The following PDE8B variants were observed in gnomAD, a reference collection of about 807,000 sequenced individuals.
The protein encoded by PDE8B is high affinity cAMP-specific and IBMX-insensitive 3',5'-cyclic phosphodiesterase 8B.
Under a neutral mutation model 101.3 loss-of-function variants are expected in PDE8B, and 26 were observed. That is an observed-to-expected ratio of 0.26 (90% CI 0.19 to 0.36). The LOEUF is 0.36. PDE8B is among the 10% of genes least tolerant of loss of function. PDE8B has a pLI of 1.00. For synonymous variants in PDE8B, 424 were observed against 429.3 expected (o/e 0.99, Z 0.15); for missense variants, 810 against 1,163.1 (o/e 0.70, Z 4.42).
At chr5:77,411,994 G>A (rs556775316) in intron 15 of PDE8B, 106 bp from the exon 16 acceptor site, 8 of 1,148,170 alleles carry the variant, frequency 7.0e-6, no homozygotes, top group African/African-American at 6.1e-5. Context: ...AGAAAAATCA[G>A]GTACAAGACT....
the PDE8B span, among the ~76,000 whole-genome samples, chr5:77,159,114 A>T: frequency 1.3e-5 from 2 of 151,980 alleles, no homozygotes; most frequent in African/African-American, 4.8e-5. Flanking sequence ...CCTCTACCAT[A>T]GGGGCAAGGA....
chr5:77,345,758 G>C (rs1397663168), intron 7 of PDE8B, among the ~76,000 whole-genome samples: 1 of 152,156 alleles, frequency 6.6e-6, no homozygotes, highest in Admixed American at 6.5e-5. Context: ...CCACGAATTG[G>C]TGCTTGCCTG....
upstream of PDE8B, among the ~76,000 whole-genome samples, chr5:77,205,636 G>T (rs937982736): frequency 5.9e-5 from 9 of 152,280 alleles, no homozygotes; most frequent in Admixed American, 2.6e-4. Flanking sequence ...TTTGTGGAGA[G>T]AATTAGGAAA....
At chr5:77,281,768 G>C (rs919109772) in intron 1 of PDE8B, among the ~76,000 whole-genome samples, 4 of 152,144 alleles carry the variant, frequency 2.6e-5, no homozygotes, top group Non-Finnish European at 5.9e-5. Flanking sequence ...TCAGGACCTG[G>C]ATCTCTTTGG....
chr5:77,379,162 G>T (rs1252038203), intron 10 of PDE8B, among the ~76,000 whole-genome samples: 5 of 152,196 alleles, frequency 3.3e-5, no homozygotes, highest in Admixed American at 6.5e-5. Flanking sequence ...GGAGCTAAGA[G>T]AAGTTATGAC....
intron 1 of PDE8B, among the ~76,000 whole-genome samples, chr5:77,236,386 G>A (rs935221161): frequency 3.3e-5 from 5 of 152,242 alleles, no homozygotes; most frequent in African/African-American, 1.2e-4. Flanking sequence ...CTAAGAACTA[G>A]ATTAAGACCT....
intron 1 of PDE8B, among the ~76,000 whole-genome samples, chr5:77,299,483 T>C (rs966653962): frequency 2.1e-5 from 3 of 140,344 alleles, no homozygotes; most frequent in African/African-American, 7.9e-5. Flanking sequence ...CCATGTGTTC[T>C]TGTTGTTCAG....
chr5:77,213,583 C>G (rs896776472), intron 1 of PDE8B, among the ~76,000 whole-genome samples: 7 of 151,842 alleles, frequency 4.6e-5, no homozygotes, highest in African/African-American at 1.7e-4. Context: ...CTTTTTTTGC[C>G]GTAAGAGTTT....
chr5:77,211,118 G>A lies in PDE8B; in HGVS notation c.193G>A (p.Ala65Thr), dbSNP rs980063460. ...CCGCGCGTCGGGACCCCCCAGCGTA[G>A]CCCGCGTCCGCAGGGCCCGCACCGA... ...PSRASGPPSV[A>T]RVRRARTELG... is the part of the protein sequence containing the mutation. The change falls in exon 1 of 22, where the codon GCC becomes ACC. Residue 65 changes from alanine (A) to threonine (T), a missense_variant. By Grantham distance (58) the Ala-to-Thr change is moderately conservative. Transcript: ENST00000264917. This position sits in a 1 kb window ranked among gnomAD's most constrained non-coding sequence, Gnocchi z 4.1. 10 of 1,504,184 alleles carry A rather than the reference G, an allele frequency of 6.6e-6. No individual in the cohort carries two copies. The highest frequency in any genetic ancestry group is 2.7e-5 in the East Asian group (1 of 37,040). The allele number at this position is 1,504,184 out of a possible 1,614,324, so 93.2% of individuals were successfully genotyped here. A position where few individuals can be genotyped will look rare whatever the true frequency, so the allele number is the denominator to read the frequency against.
At chr5:77,418,151 C>G in intron 17 of PDE8B, 78 bp from the exon 18 acceptor site, 1 of 954,820 alleles carries the variant, frequency 1.0e-6, no homozygotes. Context: ...CCTGACCCGA[C>G]CCTCCGCACA....
chr5:77,112,828 A>G, the PDE8B span: 1 of 152,240 alleles, frequency 6.6e-6, no homozygotes, highest in Non-Finnish European at 1.5e-5. Context: ...GTCTCAGGAT[A>G]CAAAATCAAT....
At chr5:77,335,532 G>GGGGGTGT (rs1355843483) in intron 5 of PDE8B, among the ~76,000 whole-genome samples, 1 of 145,572 alleles carries the variant, frequency 6.9e-6, no homozygotes, top group South Asian at 2.3e-4. Flanking sequence ...GTATATGTGG[G>GGGGGTGT]GTGTGTGTGT....
At chr5:77,411,623 A>G in intron 14 of PDE8B, 53 bp from the exon 15 acceptor site, 3 of 1,385,894 alleles carry the variant, frequency 2.2e-6, no homozygotes, top group South Asian at 1.2e-5. Flanking sequence ...AAAAAAAAAG[A>G]GAATGATAAT....
At chr5:77,384,164 C>T (rs1788078888) in intron 10 of PDE8B, among the ~76,000 whole-genome samples, 1 of 152,128 alleles carries the variant, frequency 6.6e-6, no homozygotes, top group Non-Finnish European at 1.5e-5. Flanking sequence ...TTTCCTTGAG[C>T]AGTGGTTTGT....
At chr5:77,219,954 G>A (rs1270030995) in intron 1 of PDE8B, among the ~76,000 whole-genome samples, 1 of 152,226 alleles carries the variant, frequency 6.6e-6, no homozygotes, top group Non-Finnish European at 1.5e-5. Context: ...TCTGTCATGT[G>A]CAGCCTCAGA....
chr5:77,417,926 A>AG (rs1795899454), intron 17 of PDE8B, among the ~76,000 whole-genome samples: 2 of 152,190 alleles, frequency 1.3e-5, no homozygotes, highest in Non-Finnish European at 2.9e-5. Context: ...TGTGGCAGAA[A>AG]TACCATACAG....
chr5:77,381,918 GTA>G (rs1032925580), intron 10 of PDE8B, among the ~76,000 whole-genome samples: 8 of 152,158 alleles, frequency 5.3e-5, no homozygotes, highest in African/African-American at 1.9e-4. Context: ...TTGAAGCAGT[GTA>G]TTATCTTATG....
chr5:77,306,159 A>G (rs935048466), intron 1 of PDE8B, among the ~76,000 whole-genome samples: 40 of 152,204 alleles, frequency 2.6e-4, no homozygotes, highest in Non-Finnish European at 2.5e-4. Context: ...TGTTTTGCAG[A>G]GTCTGAATGG....
At chr5:77,163,049 A>C in the PDE8B span, among the ~76,000 whole-genome samples, 1 of 152,240 alleles carries the variant, frequency 6.6e-6, no homozygotes, top group Non-Finnish European at 1.5e-5. Flanking sequence ...GCGACATTAA[A>C]ATGATTTATG....
Sources: gnomAD v4.1 joint callset for allele counts (sites outside exome capture counted in the v4.1 genomes callset) on GRCh38, gnomAD v4.1.1 for gene constraint, Gnocchi (gnomAD v3.1) non-coding constraint, MANE v1.5 for transcripts, NCBI Gene and HGNC (gene_info 2026-07-23, HGNC 2026-07-21) for gene names.